Variants in BRD7 observed in about 807,000 individuals in gnomAD.
The protein encoded by BRD7 is bromodomain-containing protein 7.
A neutral mutation model predicts 82.1 loss-of-function variants in BRD7; 15 were observed. That is an observed-to-expected ratio of 0.18 (90% CI 0.12 to 0.28). BRD7 has a LOEUF of 0.28. Ranked by LOEUF, BRD7 falls within the 10% of genes least tolerant of loss-of-function variation. The probability of loss-of-function intolerance (pLI) is 1.00; values close to 1 mark genes in which losing one functional copy is unlikely to be tolerated. For missense variants in BRD7, 638 were observed against 779.9 expected, an observed-to-expected ratio of 0.82 and a Z score of 2.17; for synonymous variants, 232 against 266.9, an observed-to-expected ratio of 0.87 and a Z score of 1.27.
At chr16:50,367,999 G>T in intron 2 of BRD7, 91 bp downstream of exon 2, 85 of 1,265,136 alleles carry the variant, frequency 6.7e-5, no homozygotes, top group Non-Finnish European at 8.1e-5. Flanking sequence ...AGAGGCGTTT[G>T]TTTTCCCCAG....
intron 8 of BRD7, among the ~76,000 whole-genome samples, chr16:50,331,934 A>C (rs2151152314): frequency 6.6e-6 from 1 of 152,332 alleles, no homozygotes; most frequent in East Asian, 1.9e-4. Context: ...CTGGCTAACC[A>C]TGTGCAGAAG....
rs1000292453 is a variant in BRD7 at position 50,323,686 on chromosome 16, A to G, written c.1344T>C (p.Phe448=). Residue 448 remains phenylalanine, a synonymous_variant, in exon 12 of 17, where the codon TTT becomes TTC. Coordinates refer to ENST00000394688, the MANE Select transcript of BRD7 (RefSeq NM_013263.5). ...ACGGATAATCTTGGCACGTGGCCAA[A>G]AACTCATGGATGCTGCAAGAGACAG... is the stretch of plus-strand genomic sequence containing the variant. The part of the protein sequence containing the change: ...DLPSDFSIHE[F]LATCQDYPYV... The G allele has an allele frequency of 2.5e-6, 4 of 1,613,530 alleles. No homozygotes were observed. In the South Asian group the frequency reaches 4.4e-5, roughly 18 times the overall value.
chr16:50,319,629 GA>G (rs1279240764), intron 16 of BRD7, among the ~76,000 whole-genome samples: 2 of 151,866 alleles, frequency 1.3e-5, no homozygotes, highest in East Asian at 1.9e-4. Context: ...AACAAACAAT[GA>G]AAAAAATATA....
At chr16:50,323,481 A>G in intron 12 of BRD7, 106 bp downstream of exon 12, 1 of 949,286 alleles carries the variant, frequency 1.1e-6, no homozygotes. Context: ...TCAGGGCCAC[A>G]GAGTTCAGCT....
At chr16:50,361,187 C>T (rs2038920603) in intron 2 of BRD7, among the ~76,000 whole-genome samples, 1 of 152,132 alleles carries the variant, frequency 6.6e-6, no homozygotes, top group Admixed American at 6.5e-5. Flanking sequence ...AGTAAACACT[C>T]GGATGTTAGT....
chr16:50,320,569 G>T, intron 14 of BRD7, 94 bp downstream of exon 14: 1 of 1,363,236 alleles, frequency 7.3e-7, no homozygotes, highest in Non-Finnish European at 1.0e-6. Flanking sequence ...ATCTTCCTGT[G>T]GTGAATGGCT....
At chr16:50,357,839 C>T (rs1181518764) in intron 2 of BRD7, among the ~76,000 whole-genome samples, 2 of 151,722 alleles carry the variant, frequency 1.3e-5, no homozygotes, top group Non-Finnish European at 2.9e-5. Flanking sequence ...AAATCCGCTG[C>T]GGGTGGTGGT....
At position 50,347,485 on chromosome 16, in the gene BRD7, T is replaced by C. The variant is rs201630482; in HGVS notation, c.591+2538A>G. Among the ~76,000 whole-genome samples, 126 of 152,284 alleles carry C rather than the reference T, an allele frequency of 8.3e-4. No homozygotes were observed. In the East Asian group the frequency reaches 0.024, roughly 29 times the overall value. On this transcript the variant is annotated intron_variant, in intron 5 of 16. Transcript: ENST00000394688. Reference sequence around the variant, plus strand: ...AAGTCAAATTGTCCCTGTTTGCAGATGACATGATTGTATATTTAGAAAACC... The same window carrying C: ...AAGTCAAATTGTCCCTGTTTGCAGACGACATGATTGTATATTTAGAAAACC...
intron 5 of BRD7, among the ~76,000 whole-genome samples, chr16:50,345,982 C>T (rs1241703549): frequency 6.6e-6 from 1 of 152,230 alleles, no homozygotes; most frequent in Non-Finnish European, 1.5e-5. Flanking sequence ...CTCAGCACCA[C>T]ACTGCACTTA....
At chr16:50,349,469 C>T (rs955169560) in intron 5 of BRD7, 11 of 458,266 alleles carry the variant, frequency 2.4e-5, no homozygotes, top group Non-Finnish European at 4.0e-5. Context: ...TTCACTCTCT[C>T]CTGCTGCCAT....
At chr16:50,327,276 G>C (rs9937029) in intron 9 of BRD7, among the ~76,000 whole-genome samples, 150,651 of 152,274 alleles carry the variant, frequency 0.99, 74,543 homozygotes, top group Middle Eastern at 1. Context: ...CATTTGATTA[G>C]GTCTCAGAAA....
At chr16:50,368,658 C>T (rs113637419) in intron 1 of BRD7, 68 bp downstream of exon 1, 276,441 of 1,503,090 alleles carry the variant, frequency 0.18, 28,866 homozygotes, top group East Asian at 0.36. Context: ...CCCGGAGCCA[C>T]TGGGAAAGAG....
chr16:50,341,623 A>C (rs2038057251), intron 5 of BRD7, among the ~76,000 whole-genome samples: 1 of 145,410 alleles, frequency 6.9e-6, no homozygotes, highest in Non-Finnish European at 1.5e-5. Flanking sequence ...AGCCTGAGCA[A>C]CAGAGTGAGA....
At chr16:50,363,666 C>CGCGCGCGTGCGCGT (rs146045888) in intron 2 of BRD7, among the ~76,000 whole-genome samples, 2 of 135,596 alleles carry the variant, frequency 1.5e-5, no homozygotes, top group Non-Finnish European at 3.2e-5. Flanking sequence ...TGTGTGCGCG[C>CGCGCGCGTGCGCGT]GCGCGCGTGC....
In BRD7 at chr16:50,327,038, C is replaced by T. The variant is rs1027284870; in HGVS notation, c.1088-647G>A. Among the ~76,000 whole-genome samples the T allele has an allele frequency of 2.6e-5, 4 of 152,340 alleles. No homozygotes were observed. The South Asian group carries it at 8.3e-4, about 32-fold the overall frequency. ...TTTGTGTCACATGATCAGCCTTCAA[C>T]GGAGGCTACTGCCATCAGTGACCAG... On this transcript the variant is annotated intron_variant, in intron 9 of 16. Coordinates refer to ENST00000394688, the MANE Select transcript of BRD7 (RefSeq NM_013263.5).
At position 50,354,904 on chromosome 16, in the gene BRD7, C is replaced by G. The variant is rs946193289; in HGVS notation, c.277G>C (p.Asp93His). ...GCCTCATTCTCCACCCGGTCTCGAT[C>G]TCGCTTCTTTTTATCCTCCTAAATG... ...RRVKEDKKKRDRDRVENEAEK... is the reference protein window; with the variant it reads ...RRVKEDKKKRHRDRVENEAEK... Residue 93 changes from aspartate (D) to histidine (H), a missense_variant, in exon 3 of 17, where the codon GAT becomes CAT. Physicochemically the swap from Asp to His is moderately conservative, Grantham distance 81 (BLOSUM62 -1). This residue lies in a region of BRD7 where 172 missense variants were observed against 155.3 expected (regional missense o/e 1.11). Coordinates refer to ENST00000394688, the MANE Select transcript of BRD7 (RefSeq NM_013263.5). The G allele has an allele frequency of 3.8e-5, 62 of 1,613,866 alleles. No homozygotes were observed. The highest frequency in any genetic ancestry group is 4.8e-5 in the Non-Finnish European group (57 of 1,179,972).
chr16:50,322,556 G>A (rs1359827381), intron 12 of BRD7, among the ~76,000 whole-genome samples: 1 of 152,164 alleles, frequency 6.6e-6, no homozygotes, highest in Non-Finnish European at 1.5e-5. Context: ...TCTTTGAAAG[G>A]TTGTGAGTTA....
At chr16:50,319,389 G>A (rs1228658936) in intron 16 of BRD7, 123 bp from the exon 17 acceptor site, 1 of 791,004 alleles carries the variant, frequency 1.3e-6, no homozygotes, top group Admixed American at 2.6e-5. Flanking sequence ...CCACATCCAA[G>A]GCTGAAGACT....
intron 9 of BRD7, among the ~76,000 whole-genome samples, chr16:50,327,126 G>A (rs1423400897): frequency 2.0e-5 from 3 of 152,232 alleles, no homozygotes; most frequent in Non-Finnish European, 4.4e-5. Flanking sequence ...TCAGCCAACA[G>A]TCTGGAATTT....
Sources: gnomAD v4.1 joint callset for allele counts (sites outside exome capture counted in the v4.1 genomes callset) on GRCh38, gnomAD v4.1.1 for gene constraint, gnomAD v4.1.1 regional missense constraint, MANE v1.5 for transcripts, NCBI Gene and HGNC (gene_info 2026-07-23, HGNC 2026-07-21) for gene names.